Variants in NECAP1 observed in about 807,000 individuals in gnomAD.
NECAP1 encodes adaptin ear-binding coat-associated protein 1.
A neutral mutation model predicts 33.4 loss-of-function variants in NECAP1; 13 were observed. The observed-to-expected ratio is 0.39, with a 90% CI of 0.25 to 0.62. The LOEUF (loss-of-function observed/expected upper bound fraction) is 0.62. Ranked by LOEUF, NECAP1 falls within the 20% of genes least tolerant of loss-of-function variation. NECAP1 has a pLI of 0.52. For synonymous variants in NECAP1, 109 were observed against 125.2 expected (o/e 0.87, Z 0.86); for missense variants, 272 against 347.4 (o/e 0.78, Z 1.73).
At chr12:8,084,424 A>G (rs1314876570) in intron 1 of NECAP1, among the ~76,000 whole-genome samples, 1 of 151,974 alleles carries the variant, frequency 6.6e-6, no homozygotes, top group African/African-American at 2.4e-5. Context: ...GTGTGCTTCC[A>G]TAGCACCTTT....
chr12:8,090,360 GA>G, intron 3 of NECAP1, 61 bp downstream of exon 3: 1 of 1,390,578 alleles, frequency 7.2e-7, no homozygotes, highest in Non-Finnish European at 1.0e-6. Flanking sequence ...GCACAGCCAT[GA>G]AAAGTGTTTC....
At chr12:8,086,829 C>T (rs1306587399) in intron 1 of NECAP1, among the ~76,000 whole-genome samples, 1 of 151,922 alleles carries the variant, frequency 6.6e-6, no homozygotes, top group Non-Finnish European at 1.5e-5. Flanking sequence ...ATCTCAGCTA[C>T]TCAGGAGGCT....
chr12:8,082,428 A>T (rs758837471), intron 1 of NECAP1, 45 bp downstream of exon 1: 2 of 1,544,736 alleles, frequency 1.3e-6, no homozygotes, highest in South Asian at 2.3e-5. Flanking sequence ...TCTGTCGCAG[A>T]TGACAGCTTC....
chr12:8,085,686 C>CTTTTTTTTTTTTTTTTTT (rs554942626), intron 1 of NECAP1, among the ~76,000 whole-genome samples: 2 of 104,810 alleles, frequency 1.9e-5, no homozygotes, highest in Non-Finnish European at 3.5e-5. Flanking sequence ...ACTTAATCTT[C>CTTTTTTTTTTTTTTTTTT]TTTTTTTTTT....
intron 3 of NECAP1, 96 bp from the exon 4 acceptor site, chr12:8,091,673 G>A: frequency 9.8e-7 from 1 of 1,016,196 alleles, no homozygotes; most frequent in Non-Finnish European, 1.5e-6. Context: ...CCTGCTGCAT[G>A]GCCTGGTTTC....
chr12:8,091,691 C>A, intron 3 of NECAP1, 78 bp from the exon 4 acceptor site: 1 of 1,278,226 alleles, frequency 7.8e-7, no homozygotes, highest in Non-Finnish European at 1.1e-6. Flanking sequence ...TTCTAACAGG[C>A]CACAGACTGG....
intron 1 of NECAP1, among the ~76,000 whole-genome samples, chr12:8,087,030 A>C (rs1947498040): frequency 6.9e-6 from 1 of 144,346 alleles, no homozygotes. Flanking sequence ...AAAATTCTTC[A>C]CTACCCTCTT....
intron 1 of NECAP1, among the ~76,000 whole-genome samples, chr12:8,087,138 T>C (rs1342344795): frequency 1.3e-5 from 2 of 152,138 alleles, no homozygotes; most frequent in East Asian, 3.9e-4. Flanking sequence ...TGTGTTATCC[T>C]TTCCATCATT....
chr12:8,095,665 A>C lies in NECAP1; in HGVS notation c.741A>C (p.Val247=). ...CACCAGCACCAACTCCAGTTTCTGT[A>C]AGCAATGACTTGTGGGGAGACTTCA... The part of the protein sequence containing the change: ...VTTPAPTPVS[V]SNDLWGDFST... The change falls in exon 7 of 8, where the codon GTA becomes GTC. Residue 247 remains valine, a synonymous_variant. Transcript: ENST00000339754. The C allele has an allele frequency of 6.2e-7, 1 of 1,614,010 alleles. No individual in the cohort carries two copies. The highest frequency in any genetic ancestry group is 1.1e-5 in the South Asian group (1 of 91,078).
intron 6 of NECAP1, chr12:8,094,715 C>G (rs1482834935): frequency 6.6e-6 from 1 of 152,306 alleles, no homozygotes; most frequent in Non-Finnish European, 1.5e-5. Context: ...ATCCTCCTGC[C>G]TTGGCCCCCT....
At chr12:8,095,799 C>T in intron 7 of NECAP1, 96 bp downstream of exon 7, 1 of 1,286,272 alleles carries the variant, frequency 7.8e-7, no homozygotes, top group Non-Finnish European at 1.1e-6. Flanking sequence ...AATGGATATG[C>T]AGGTCACATA....
chr12:8,082,689 G>C (rs1947451281), intron 1 of NECAP1: 1 of 355,116 alleles, frequency 2.8e-6, no homozygotes, highest in Non-Finnish European at 5.4e-6. Context: ...TTTCAGTCGT[G>C]CTTGCTCCAT....
At chr12:8,091,467 T>G (rs1947543354) in intron 3 of NECAP1, 1 of 362,620 alleles carries the variant, frequency 2.8e-6, no homozygotes, top group African/African-American at 2.1e-5. Context: ...CAGTGACAGA[T>G]CATCAGGCAT....
At chr12:8,082,851 C>T (rs1001575222) in intron 1 of NECAP1, 1 of 154,306 alleles carries the variant, frequency 6.5e-6, no homozygotes, top group Non-Finnish European at 1.4e-5. Context: ...TATGGGTAAT[C>T]GTGTTGCTTG....
intron 3 of NECAP1, 29 bp from the exon 4 acceptor site, chr12:8,091,740 C>T: frequency 6.2e-7 from 1 of 1,608,188 alleles, no homozygotes; most frequent in Non-Finnish European, 8.5e-7. Flanking sequence ...AGGATACTTC[C>T]TAGTCGAGTC....
At chr12:8,086,384 G>A (rs755138888) in intron 1 of NECAP1, among the ~76,000 whole-genome samples, 3 of 152,078 alleles carry the variant, frequency 2.0e-5, no homozygotes, top group Admixed American at 6.5e-5. Flanking sequence ...AGGCCGAGGC[G>A]CACGGATCAC....
In NECAP1 at chr12:8,090,593, G is replaced by A. The variant is rs940613465; in HGVS notation, c.301+294G>A. On this transcript the variant is annotated intron_variant, in intron 3 of 7. Transcript: ENST00000339754. ...GGAGGCCGAGGTGGGTGGATCACCT[G>A]AGGTCAGGAGTTTGAGGCCAGCCTG... 3 of 278,710 alleles carry A rather than the reference G, an allele frequency of 1.1e-5. No homozygotes were observed. The East Asian group carries it at 2.4e-4, about 22-fold the overall frequency. 17.3% of individuals were successfully genotyped at this position (278,710 alleles called of 1,614,324 possible).
Position 8,082,313 on chromosome 12 carries a change from T to C in NECAP1, c.25T>C (p.Ser9Pro), listed in dbSNP as rs1427728143. 1.1e-5 allele frequency: 17 copies of C among 1,612,560 alleles called. No individual in the cohort carries two copies. The highest frequency in any genetic ancestry group is 1.4e-5 in the Non-Finnish European group (17 of 1,178,760). The stretch of plus-strand genomic sequence containing the variant: ...GATGGCGACCGAGTTGGAGTACGAG[T>C]CTGTGCTGTGTGTGAAGCCAGACGT... Reference protein sequence around the residue: MATELEYESVLCVKPDVSV... With the variant: MATELEYEPVLCVKPDVSV... The change falls in exon 1 of 8, where the codon TCT becomes CCT. Residue 9 changes from serine to proline, a missense_variant. Physicochemically the swap from Ser to Pro is moderately conservative, Grantham distance 74 (BLOSUM62 -1). Coordinates refer to ENST00000339754, the MANE Select transcript of NECAP1 (RefSeq NM_015509.4).
Position 8,095,736 on chromosome 12 carries a change from A to G in NECAP1, c.779+33A>G, listed in dbSNP as rs570039827. Reference sequence around the variant, plus strand: ...GCATAGTGAAACTAGCATACTCTCAATCAGGGTGTAGGAGATATGTACAGT... The same window carrying G: ...GCATAGTGAAACTAGCATACTCTCAGTCAGGGTGTAGGAGATATGTACAGT... On this transcript the variant is annotated intron_variant, in intron 7 of 7. Coordinates refer to ENST00000339754, the MANE Select transcript of NECAP1 (RefSeq NM_015509.4). 2.2e-4 allele frequency: 336 copies of G among 1,546,588 alleles called. 4 individuals carry two copies. The South Asian group carries it at 2.8e-3, about 13-fold the overall frequency.
Sources: gnomAD v4.1 joint callset for allele counts (sites outside exome capture counted in the v4.1 genomes callset) on GRCh38, gnomAD v4.1.1 for gene constraint, MANE v1.5 for transcripts, NCBI Gene and HGNC (gene_info 2026-07-23, HGNC 2026-07-21) for gene names.